Variants in UNC13C observed in about 807,000 individuals in gnomAD.
UNC13C encodes the protein unc-13 homolog C.
A neutral mutation model predicts 245.4 loss-of-function variants in UNC13C; 174 were observed. The observed-to-expected ratio is 0.71, with a 90% CI of 0.63 to 0.80. The LOEUF (loss-of-function observed/expected upper bound fraction) is 0.80, where lower values mean the gene tolerates loss of function less well. UNC13C is among the 30% of genes least tolerant of loss of function. UNC13C has a pLI of 0.00. For missense variants in UNC13C, 2,829 were observed against 2,602.9 expected (o/e 1.09, Z -1.89); for synonymous variants, 992 against 895.1 (o/e 1.11, Z -1.93).
chr15:54,199,855 T>C (rs1211470663), intron 4 of UNC13C, among the ~76,000 whole-genome samples: 1 of 152,088 alleles, frequency 6.6e-6, no homozygotes, highest in Non-Finnish European at 1.5e-5. Context: ...ATAGTAACAT[T>C]GAATGTAAAT....
intron 14 of UNC13C, among the ~76,000 whole-genome samples, chr15:54,328,193 A>T (rs1410371533): frequency 6.6e-6 from 1 of 152,126 alleles, no homozygotes; most frequent in Non-Finnish European, 1.5e-5. Flanking sequence ...GCATCATTTT[A>T]GTGGCCTTTC....
chr15:54,045,583 A>C (rs947629983), intron 2 of UNC13C, among the ~76,000 whole-genome samples: 1 of 152,160 alleles, frequency 6.6e-6, no homozygotes, highest in South Asian at 2.1e-4. Context: ...CTGCCACTCT[A>C]GATGAACTGA....
At chr15:54,232,600 T>C (rs2035583281) in intron 4 of UNC13C, among the ~76,000 whole-genome samples, 1 of 152,180 alleles carries the variant, frequency 6.6e-6, no homozygotes, top group Non-Finnish European at 1.5e-5. Context: ...AACTCATTTA[T>C]ATAACACTTT....
At chr15:54,226,075 T>C (rs142541904) in intron 4 of UNC13C, among the ~76,000 whole-genome samples, 3 of 152,328 alleles carry the variant, frequency 2.0e-5, no homozygotes, top group African/African-American at 7.2e-5. Flanking sequence ...ACATGGTTTT[T>C]GTTTTTAGTT....
At chr15:54,387,519 T>C (rs981253108) in intron 17 of UNC13C, among the ~76,000 whole-genome samples, 3 of 152,118 alleles carry the variant, frequency 2.0e-5, no homozygotes, top group African/African-American at 7.2e-5. Context: ...CTGGTTTCTT[T>C]ACTACATCCT....
chr15:54,408,005 T>C (rs941464010), intron 18 of UNC13C, among the ~76,000 whole-genome samples: 3 of 151,454 alleles, frequency 2.0e-5, no homozygotes, highest in African/African-American at 7.3e-5. Flanking sequence ...ATCGAGACCA[T>C]CCTGGTGAAC....
chr15:53,985,349 CT>C (rs1053995550), intron 1 of UNC13C, among the ~76,000 whole-genome samples: 2 of 143,980 alleles, frequency 1.4e-5, no homozygotes, highest in Admixed American at 6.9e-5. Context: ...TTTCTTGGTT[CT>C]TTTTTTTAAA....
chr15:54,280,763 TACATAC>T (rs2036970350), intron 10 of UNC13C, among the ~76,000 whole-genome samples: 4 of 136,000 alleles, frequency 2.9e-5, no homozygotes, highest in African/African-American at 9.2e-5. Context: ...TACACATACA[TACATAC>T]ATATATATAT....
chr15:53,874,626 C>G, the UNC13C span, among the ~76,000 whole-genome samples: 169 of 152,258 alleles, frequency 1.1e-3, 1 homozygote, highest in African/African-American at 3.9e-3. Flanking sequence ...TGAAATGCCT[C>G]CTTTACCATC....
At chr15:54,211,014 G>A (rs543543918) in intron 4 of UNC13C, among the ~76,000 whole-genome samples, 5 of 152,222 alleles carry the variant, frequency 3.3e-5, no homozygotes, top group East Asian at 1.9e-4. Flanking sequence ...CTAGCAAGAC[G>A]TAAAGAAATG....
chr15:54,605,095 C>T (rs77069655), intron 30 of UNC13C, among the ~76,000 whole-genome samples: 17 of 152,136 alleles, frequency 1.1e-4, no homozygotes, highest in African/African-American at 2.7e-4. Context: ...CTGCCTGAGA[C>T]GAGAAACAAG....
At chr15:53,997,931 T>C (rs28629225) in intron 1 of UNC13C, among the ~76,000 whole-genome samples, 13,958 of 152,076 alleles carry the variant, frequency 0.092, 770 homozygotes, top group Middle Eastern at 0.18. Flanking sequence ...GCCTCCCTAG[T>C]AGATGGGACT....
At chr15:54,331,531 G>A (rs2038435969) in intron 14 of UNC13C, among the ~76,000 whole-genome samples, 1 of 152,030 alleles carries the variant, frequency 6.6e-6, no homozygotes, top group African/African-American at 2.4e-5. Flanking sequence ...GTCTGCATTT[G>A]CTTCCAAAAA....
intron 17 of UNC13C, among the ~76,000 whole-genome samples, chr15:54,372,452 C>T (rs1468935116): frequency 6.6e-6 from 1 of 151,748 alleles, no homozygotes; most frequent in Non-Finnish European, 1.5e-5. Flanking sequence ...TACTCGTGAC[C>T]CAAGTTTAGA....
In UNC13C at chr15:54,196,466, T is replaced by C. The variant is rs145714509; in HGVS notation, c.3072-38564T>C. Among the ~76,000 whole-genome samples the C allele has an allele frequency of 4.0e-3, 612 of 152,280 alleles. 3 individuals are homozygous for C. The highest frequency in any genetic ancestry group is 0.013 in the African/African-American group (520 of 41,580). On this transcript the variant is annotated intron_variant, in intron 4 of 32. Coordinates refer to ENST00000260323, the MANE Select transcript of UNC13C (RefSeq NM_001080534.3). The stretch of plus-strand genomic sequence containing the variant: ...CCATATAATAGAAAAAGAGAAAACA[T>C]TCTCCAAGTTATTTTATGAAACTGG...
intron 30 of UNC13C, among the ~76,000 whole-genome samples, chr15:54,582,394 A>G (rs1480340392): frequency 6.6e-6 from 1 of 152,156 alleles, no homozygotes; most frequent in African/African-American, 2.4e-5. Context: ...CTAAGTGACT[A>G]TGTCTACTAA....
At chr15:53,994,848 A>G (rs1486233840) in intron 1 of UNC13C, among the ~76,000 whole-genome samples, 2 of 152,136 alleles carry the variant, frequency 1.3e-5, no homozygotes, top group Non-Finnish European at 2.9e-5. Context: ...AAAACAAGAT[A>G]ATGACCTCAA....
At chr15:53,965,712 C>T in the UNC13C span, among the ~76,000 whole-genome samples, 40 of 151,964 alleles carry the variant, frequency 2.6e-4, no homozygotes, top group African/African-American at 9.7e-4. Context: ...GCTATCCCTC[C>T]CCACTCCCCC....
chr15:54,143,280 G>C (rs1039659447), intron 3 of UNC13C, among the ~76,000 whole-genome samples: 1 of 152,186 alleles, frequency 6.6e-6, no homozygotes, highest in Non-Finnish European at 1.5e-5. Flanking sequence ...GTCTGCTACT[G>C]TCAAACACAG....
Sources: gnomAD v4.1 joint callset for allele counts (sites outside exome capture counted in the v4.1 genomes callset) on GRCh38, gnomAD v4.1.1 for gene constraint, MANE v1.5 for transcripts, NCBI Gene and HGNC (gene_info 2026-07-23, HGNC 2026-07-21) for gene names.